Variants in IMPG2 observed in about 807,000 individuals in gnomAD.
IMPG2 encodes the protein IPM 200.
A neutral mutation model predicts 129.2 loss-of-function variants in IMPG2; 91 were observed. That is an observed-to-expected ratio of 0.70 (90% CI 0.59 to 0.84). The LOEUF (loss-of-function observed/expected upper bound fraction) is 0.84, where lower values mean the gene tolerates loss of function less well. Ranked by LOEUF, IMPG2 falls within the 40% of genes least tolerant of loss-of-function variation. The pLI, the probability that IMPG2 is intolerant of heterozygous loss-of-function variation, is 0.00. For synonymous variants in IMPG2, 510 were observed against 517.7 expected (o/e 0.99, Z 0.20); for missense variants, 1,430 against 1,461.7 (o/e 0.98, Z 0.35).
rs113656761 is a variant in IMPG2, at chr3:101,229,496, A to T, written c.3517T>A (p.Tyr1173Asn). The T allele has an allele frequency of 6.8e-6, 11 of 1,613,596 alleles. No homozygotes were observed. The South Asian group carries it at 1.2e-4, about 18-fold the overall frequency. Residue 1173 changes from tyrosine (Y) to asparagine (N), a missense_variant, in exon 17 of 19, where the codon TAT becomes AAT. Coordinates refer to ENST00000193391, the MANE Select transcript of IMPG2 (RefSeq NM_016247.4). ...YESHRAGCEK[Y>N]EGPYPQHPFY... ...GGATGCTGAGGATAGGGTCCCTCAT[A>T]CTTCTCACATCCAGCCCTGTGACTT...
At chr3:101,303,884 G>C (rs1707162552) in intron 3 of IMPG2, among the ~76,000 whole-genome samples, 1 of 152,086 alleles carries the variant, frequency 6.6e-6, no homozygotes, top group Non-Finnish European at 1.5e-5. Flanking sequence ...TATAAACAAG[G>C]CTGAGGCTCT....
chr3:101,275,296 T>C (rs1213226989), intron 6 of IMPG2, among the ~76,000 whole-genome samples: 3 of 152,088 alleles, frequency 2.0e-5, no homozygotes, highest in African/African-American at 7.2e-5. Context: ...TTAAACTACA[T>C]AAAATGTATA....
chr3:101,229,712 C>A, intron 16 of IMPG2, 122 bp from the exon 17 acceptor site: 1 of 842,914 alleles, frequency 1.2e-6, no homozygotes, highest in Non-Finnish European at 1.9e-6. Flanking sequence ...AATGGTGGGA[C>A]ATAACTGTGA....
Position 101,275,665 on chromosome 3 carries a change from T to C in IMPG2, c.664A>G (p.Ser222Gly). 1.9e-6 allele frequency: 3 copies of C among 1,606,764 alleles called. No homozygotes were observed. Among genetic ancestry groups the C allele is most frequent in the Non-Finnish European group, 2.6e-6 (3 of 1,173,310 alleles). Residue 222 changes from serine to glycine, a missense_variant and splice_region_variant, in exon 6 of 19, where the codon AGT (serine) becomes GGT (glycine). Physicochemically the swap from Ser to Gly is moderately conservative, Grantham distance 56 (BLOSUM62 0). Coordinates refer to ENST00000193391, the MANE Select transcript of IMPG2 (RefSeq NM_016247.4). ...SESSLERPEE[S>G]ISNEIENVIE... ...TAACAAAACAGAGCATCACTCACAC[T>C]CTCCTCTGGCCTTTCCAAGCTGCTC...
rs72936149 is a variant in IMPG2, at chr3:101,309,871, A to G, written c.335-5559T>C. ...GGAATCAAAAGGAAATTACTAATTC[A>G]TGCAACAACATGGATGAATCTCAAT... On this transcript the variant is annotated intron_variant, in intron 2 of 18. Transcript: ENST00000193391. Among the ~76,000 whole-genome samples the G allele has an allele frequency of 3.2e-3, 487 of 152,356 alleles. 2 individuals are homozygous for G. The highest frequency in any genetic ancestry group is 0.011 in the African/African-American group (459 of 41,582).
At chr3:101,256,958 C>T (rs1374362037) in intron 10 of IMPG2, among the ~76,000 whole-genome samples, 1 of 152,014 alleles carries the variant, frequency 6.6e-6, no homozygotes, top group East Asian at 1.9e-4. Context: ...CCTCCAAATC[C>T]AGGTTAAACA....
At chr3:101,300,685 G>C (rs1355970264) in intron 3 of IMPG2, among the ~76,000 whole-genome samples, 1 of 152,218 alleles carries the variant, frequency 6.6e-6, no homozygotes, top group Non-Finnish European at 1.5e-5. Flanking sequence ...CAGTTGCCTA[G>C]TCAGTTCTGA....
intron 7 of IMPG2, among the ~76,000 whole-genome samples, chr3:101,271,712 A>G (rs1706784613): frequency 6.6e-6 from 1 of 152,218 alleles, no homozygotes; most frequent in Non-Finnish European, 1.5e-5. Context: ...TAGAATTGGG[A>G]CCAAGACTGG....
chr3:101,290,446 C>T lies in IMPG2; in HGVS notation c.533+1033G>A, dbSNP rs1346380290. Among the ~76,000 whole-genome samples, 5 of 152,080 alleles carry T rather than the reference C, an allele frequency of 3.3e-5. No homozygotes were observed. In the East Asian group the frequency reaches 9.6e-4, roughly 29 times the overall value. On this transcript the variant is annotated intron_variant, in intron 4 of 18. Coordinates refer to ENST00000193391, the MANE Select transcript of IMPG2 (RefSeq NM_016247.4). ...ATCACTTAAGCCTGGGAGCACGAGG[C>T]TGCAGTGAGGTGTGATCATGCCACT...
chr3:101,310,156 A>G (rs1416847041), intron 2 of IMPG2, among the ~76,000 whole-genome samples: 3 of 152,188 alleles, frequency 2.0e-5, no homozygotes, highest in Non-Finnish European at 4.4e-5. Flanking sequence ...CACTCTGTAA[A>G]TTTCACCTTT....
At chr3:101,230,803 C>T (rs1706276700) in intron 16 of IMPG2, among the ~76,000 whole-genome samples, 154 bp downstream of exon 16, 1 of 152,188 alleles carries the variant, frequency 6.6e-6, no homozygotes, top group Non-Finnish European at 1.5e-5. Context: ...TTCAATTTGA[C>T]ACCCCTTTGA....
At chr3:101,288,526 A>G (rs899580240) in intron 4 of IMPG2, among the ~76,000 whole-genome samples, 3 of 152,222 alleles carry the variant, frequency 2.0e-5, no homozygotes, top group African/African-American at 7.2e-5. Flanking sequence ...AGCGATGAAA[A>G]AGAATGAACT....
chr3:101,246,010 A>G lies in IMPG2; in HGVS notation c.1335T>C (p.Thr445=), dbSNP rs1706473301. 1.9e-6 allele frequency: 3 copies of G among 1,614,148 alleles called. No homozygotes were observed. The highest frequency in any genetic ancestry group is 1.7e-5 in the Admixed American group (1 of 60,018). ...GACTTTCTGACCAGAGTTCCCTGCCAGTGGCTGAGGGAGGACCAGAGCTGA... is the reference window on the plus strand; with the variant it reads ...GACTTTCTGACCAGAGTTCCCTGCCGGTGGCTGAGGGAGGACCAGAGCTGA... The part of the protein sequence containing the change: ...LDFSSGPPSA[T]GRELWSESPL... The change falls in exon 12 of 19, where the codon ACT becomes ACC. Residue 445 remains threonine (T), a synonymous_variant. Transcript: ENST00000193391.
Position 101,247,505 on chromosome 3 carries a change from G to A in IMPG2, c.1240-1400C>T, listed in dbSNP as rs553523549. Among the ~76,000 whole-genome samples, 91 of 152,284 alleles carry A rather than the reference G, an allele frequency of 6.0e-4. 1 individual carries two copies. The highest frequency in any genetic ancestry group is 6.8e-3 in the Middle Eastern group (2 of 294). ...CCAACTACTTGGGAGGCTGAGGCAG[G>A]AGAATCACTTGAACCCGGGCGGCGG... is the stretch of plus-strand genomic sequence containing the variant. On this transcript the variant is annotated intron_variant, in intron 11 of 18. Coordinates refer to ENST00000193391, the MANE Select transcript of IMPG2 (RefSeq NM_016247.4).
At chr3:101,288,453 G>A (rs1030001240) in intron 4 of IMPG2, among the ~76,000 whole-genome samples, 1 of 152,072 alleles carries the variant, frequency 6.6e-6, no homozygotes, top group Non-Finnish European at 1.5e-5. Flanking sequence ...ATCAATCGAG[G>A]TGCCCATCAA....
At position 101,224,415 on chromosome 3, in the gene IMPG2, G is replaced by A. The variant is rs1055589068; in HGVS notation, c.*2554C>T. ...CTGCATTTTAGTATTTTCACATAAG[G>A]TGATAGTCTTGTTGAATATTATATT... On this transcript the variant is annotated 3_prime_UTR_variant, in exon 19 of 19. Coordinates refer to ENST00000193391, the MANE Select transcript of IMPG2 (RefSeq NM_016247.4). The A allele has an allele frequency of 1.3e-5, 2 of 152,114 alleles. No individual in the cohort carries two copies. Among genetic ancestry groups the A allele is most frequent in the African/African-American group, 4.8e-5 (2 of 41,410 alleles). 9.4% of individuals were successfully genotyped at this position (152,114 alleles called of 1,614,324 possible).
chr3:101,267,512 T>C lies in IMPG2; in HGVS notation c.907A>G (p.Ser303Gly). ...LEFRSPKENDSGVDVYYAVTF... is the reference protein window; with the variant it reads ...LEFRSPKENDGGVDVYYAVTF... ...ATTAGAGAAAGTGCCAAAAAGTACC[T>C]GTCATTTTCCTTGGGGGACCTGAAA... Residue 303 changes from serine to glycine, a missense_variant and splice_region_variant, in exon 9 of 19, where the codon AGT becomes GGT. Ser to Gly is a moderately conservative substitution (Grantham distance 56). Transcript: ENST00000193391. 1 of 1,611,600 alleles carries C rather than the reference T, an allele frequency of 6.2e-7. No individual in the cohort carries two copies. Among genetic ancestry groups the C allele is most frequent in the Non-Finnish European group, 8.5e-7 (1 of 1,177,778 alleles).
rs760477475 is a variant in IMPG2 at position 101,245,995 on chromosome 3, C to A, written c.1350G>T (p.Trp450Cys). The change falls in exon 12 of 19, where the codon TGG (tryptophan) becomes TGT (cysteine). Residue 450 changes from tryptophan (W) to cysteine (C), a missense_variant. By Grantham distance (215) the Trp-to-Cys change is radical. Transcript: ENST00000193391. ...GPPSATGRELWSESPLGDLVS... is the reference protein window; with the variant it reads ...GPPSATGRELCSESPLGDLVS... ...CTAAATCACCCAAAGGACTTTCTGA[C>A]CAGAGTTCCCTGCCAGTGGCTGAGG... is the stretch of plus-strand genomic sequence containing the variant. 1.2e-6 allele frequency: 2 copies of A among 1,614,092 alleles called. No homozygotes were observed. Among genetic ancestry groups the A allele is most frequent in the Admixed American group, 1.7e-5 (1 of 60,012 alleles).
At chr3:101,273,541 C>T (rs348866) in intron 7 of IMPG2, 40 bp downstream of exon 7, 731,640 of 1,593,042 alleles carry the variant, frequency 0.46, 172,948 homozygotes, top group Non-Finnish European at 0.49. Flanking sequence ...ACTAACATAG[C>T]AGGCATACTG....
Sources: gnomAD v4.1 joint callset for allele counts (sites outside exome capture counted in the v4.1 genomes callset) on GRCh38, gnomAD v4.1.1 for gene constraint, MANE v1.5 for transcripts, NCBI Gene and HGNC (gene_info 2026-07-23, HGNC 2026-07-21) for gene names.